OTUD5: variants seen among roughly 807,000 people sequenced by gnomAD.
The protein encoded by OTUD5 is OTU domain-containing protein 5.
OTUD5 carries 2 observed loss-of-function variants against 36.3 expected under a neutral mutation model. The observed-to-expected ratio is 0.06, with a 90% CI of 0.02 to 0.17. OTUD5 has a LOEUF of 0.17. Among genes scored for constraint, OTUD5 ranks in the 10% least tolerant of loss-of-function variants. OTUD5 has a pLI of 1.00. For synonymous variants in OTUD5, 234 were observed against 214.9 expected, an observed-to-expected ratio of 1.09 and a Z score of -0.78; for missense variants, 233 against 512.3, an observed-to-expected ratio of 0.45 and a Z score of 5.26.
chrX:48,926,125 G>A lies in OTUD5; in HGVS notation c.1060-75C>T. 3.6e-6 allele frequency: 3 copies of A among 844,089 alleles called. No homozygotes were observed. In the Admixed American group the frequency reaches 7.0e-5, roughly 20 times the overall value. The allele number at this position is 844,089 out of a possible 1,213,427, so 69.6% of individuals were successfully genotyped here. A position where few individuals can be genotyped will look rare whatever the true frequency, so the allele number is the denominator to read the frequency against. ...CCAAGAGCCAGAACAGGCTCAGCGA[G>A]GTAGGCCCACAGGCCCCAGAAAAAA... On this transcript the variant is annotated intron_variant, in intron 5 of 8. Coordinates refer to ENST00000376488, the MANE Select transcript of OTUD5 (RefSeq NM_001136157.2).
At chrX:48,949,609 C>T (rs782594615) in intron 1 of OTUD5, among the ~76,000 whole-genome samples, 5 of 111,024 alleles carry the variant, frequency 4.5e-5, no homozygotes, top group South Asian at 3.8e-4. Flanking sequence ...ACCTGGGAGG[C>T]GAAGGTTGCA....
rs782598809 is a variant in OTUD5, at chrX:48,923,838, G to T, written c.1465+13C>A. 1 of 1,209,687 alleles carries T rather than the reference G, an allele frequency of 8.3e-7. No homozygotes were observed. Among genetic ancestry groups the T allele is most frequent in the Non-Finnish European group, 1.1e-6 (1 of 893,390 alleles). On this transcript the variant is annotated intron_variant, in intron 7 of 8. Coordinates refer to ENST00000376488, the MANE Select transcript of OTUD5 (RefSeq NM_001136157.2). The stretch of plus-strand genomic sequence containing the variant: ...CTAACTCCCAGCACATTCCCTGTGG[G>T]CAAGTCACTGACCTGGCGCACAGGG...
At chrX:48,935,285 G>A (rs1034255764) in intron 2 of OTUD5, among the ~76,000 whole-genome samples, 1 of 111,661 alleles carries the variant, frequency 9.0e-6, no homozygotes, top group African/African-American at 3.3e-5. Context: ...TAGGGTACAC[G>A]TGGCCACTCA....
At chrX:48,955,469 G>A (rs1420886416) in intron 1 of OTUD5, among the ~76,000 whole-genome samples, 1 of 111,588 alleles carries the variant, frequency 9.0e-6, no homozygotes, top group African/African-American at 3.3e-5. Context: ...TAAGTTCCTT[G>A]AGGAGGAAGC....
intron 1 of OTUD5, among the ~76,000 whole-genome samples, chrX:48,956,310 G>GGC (rs2064237819): frequency 3.3e-5 from 1 of 30,404 alleles, no homozygotes; most frequent in Non-Finnish European, 1.2e-4. Context: ...CCTTAAAGGG[G>GGC]GCGTGTGTGT....
rs1484692862 is a variant in OTUD5 at position 48,942,232 on chromosome X, T to TACACAC, written c.688+1952_688+1957dup. 1.1e-3 allele frequency among the ~76,000 whole-genome samples: 22 copies of TACACAC among 19,873 alleles called. 1 individual carries two copies. The highest frequency in any genetic ancestry group is 0.062 in the Middle Eastern group (1 of 16). The allele number at this position is 19,873 out of a possible 115,157, so 17.3% of individuals were successfully genotyped here. ...TATTTGGGGAGAACAGCTAGCTAGA[T>TACACAC]ACACACACACATACACACACACACA... is the stretch of plus-strand genomic sequence containing the variant. On this transcript the variant is annotated intron_variant, in intron 2 of 8. Coordinates refer to ENST00000376488, the MANE Select transcript of OTUD5 (RefSeq NM_001136157.2).
chrX:48,948,186 G>A (rs781996201), intron 1 of OTUD5, among the ~76,000 whole-genome samples: 4 of 111,844 alleles, frequency 3.6e-5, no homozygotes, highest in Non-Finnish European at 5.7e-5. Flanking sequence ...TGTCTCTACT[G>A]AAAATACAAA....
At position 48,944,390 on chromosome X, in the gene OTUD5, G is replaced by A. The variant is rs1433796127; in HGVS notation, c.595-107C>T. The A allele has an allele frequency of 7.8e-6, 4 of 510,234 alleles. No homozygotes were observed. The East Asian group carries it at 1.1e-4, about 14-fold the overall frequency. 42.0% of individuals were successfully genotyped at this position (510,234 alleles called of 1,213,427 possible). Reference sequence around the variant, plus strand: ...CTAGATCATTGACAGAGAGGACGCTGGCCAAGGTAAAGTTCTCAGCCCTGT... The same window carrying A: ...CTAGATCATTGACAGAGAGGACGCTAGCCAAGGTAAAGTTCTCAGCCCTGT... On this transcript the variant is annotated intron_variant, in intron 1 of 8. Transcript: ENST00000376488.
chrX:48,946,549 C>T (rs1446371312), intron 1 of OTUD5, among the ~76,000 whole-genome samples: 2 of 112,081 alleles, frequency 1.8e-5, no homozygotes, highest in African/African-American at 3.2e-5. Context: ...GACAAAGACA[C>T]CTGGAAGCCC....
intron 1 of OTUD5, among the ~76,000 whole-genome samples, chrX:48,953,791 AAAGG>A (rs2064186826): frequency 9.0e-6 from 1 of 111,117 alleles, no homozygotes; most frequent in South Asian, 3.8e-4. Context: ...AAAGACTCCT[AAAGG>A]AAGTAGGGAT....
chrX:48,944,713 G>T (rs1389520021), intron 1 of OTUD5, among the ~76,000 whole-genome samples: 1 of 112,274 alleles, frequency 8.9e-6, no homozygotes, highest in Non-Finnish European at 1.9e-5. Flanking sequence ...ACCTGACAAA[G>T]GGCTAGAGGA....
intron 5 of OTUD5, among the ~76,000 whole-genome samples, chrX:48,932,491 A>AT (rs1485231349): frequency 3.7e-5 from 4 of 107,843 alleles, no homozygotes; most frequent in African/African-American, 1.0e-4. Flanking sequence ...CACCCGGCTA[A>AT]TTTTTTTTTG....
chrX:48,957,696 G>A (rs1467613929), upstream of OTUD5: 2 of 798,601 alleles, frequency 2.5e-6, no homozygotes, highest in Non-Finnish European at 1.5e-6. Flanking sequence ...AAGGGATCGC[G>A]GCACCGGTTC....
intron 1 of OTUD5, among the ~76,000 whole-genome samples, chrX:48,949,476 G>C (rs1407978209): frequency 9.0e-6 from 1 of 110,902 alleles, no homozygotes; most frequent in Non-Finnish European, 1.9e-5. Context: ...TCAGGAGTTC[G>C]AGACCAGCCT....
chrX:48,942,176 G>A (rs1433508889), intron 2 of OTUD5, among the ~76,000 whole-genome samples: 5 of 103,723 alleles, frequency 4.8e-5, no homozygotes, highest in Non-Finnish European at 9.8e-5. Context: ...AACAAGCCAG[G>A]TCCTCACTAG....
chrX:48,958,330 G>A (rs2064294188), upstream of OTUD5: 1 of 112,777 alleles, frequency 8.9e-6, no homozygotes, highest in Admixed American at 9.3e-5. Context: ...GCTGTCAGCC[G>A]GAATGACTGG....
At chrX:48,926,419 C>T (rs1260331263) in intron 5 of OTUD5, among the ~76,000 whole-genome samples, 4 of 109,047 alleles carry the variant, frequency 3.7e-5, no homozygotes, top group African/African-American at 1.3e-4. Context: ...GGGGTAATCT[C>T]GGCTCACTGC....
In OTUD5 at chrX:48,942,280, C is replaced by CACAG. The variant is rs1475092896; in HGVS notation, c.688+1909_688+1910insCTGT. On this transcript the variant is annotated intron_variant, in intron 2 of 8. Coordinates refer to ENST00000376488, the MANE Select transcript of OTUD5 (RefSeq NM_001136157.2). ...ACACACACACACACACACACACACA[C>CACAG]AGAGAACAGCTAGCTAGATACACAC... Among the ~76,000 whole-genome samples the CACAG allele has an allele frequency of 2.4e-4, 22 of 91,131 alleles. 2 individuals are homozygous for CACAG. In the South Asian group the frequency reaches 5.0e-3, roughly 21 times the overall value. The allele number at this position is 91,131 out of a possible 115,157, so 79.1% of individuals were successfully genotyped here. A position where few individuals can be genotyped will look rare whatever the true frequency, so the allele number is the denominator to read the frequency against.
intron 2 of OTUD5, among the ~76,000 whole-genome samples, chrX:48,942,922 G>T (rs782140139): frequency 9.0e-6 from 1 of 110,687 alleles, no homozygotes; most frequent in African/African-American, 3.3e-5. Flanking sequence ...CTTGCCTAAG[G>T]TCATACCAAG....
Sources: gnomAD v4.1 joint callset for allele counts (sites outside exome capture counted in the v4.1 genomes callset) on GRCh38, gnomAD v4.1.1 for gene constraint, MANE v1.5 for transcripts, NCBI Gene and HGNC (gene_info 2026-07-23, HGNC 2026-07-21) for gene names.